LRRTM4: variants seen among roughly 807,000 people sequenced by gnomAD.
LRRTM4 encodes the protein leucine rich repeat transmembrane neuronal 4, also known as leucine-rich repeat transmembrane neuronal protein 4.
A neutral mutation model predicts 47.6 loss-of-function variants in LRRTM4; 25 were observed. That is an observed-to-expected ratio of 0.53 (90% CI 0.38 to 0.73). The LOEUF is 0.73. Among genes scored for constraint, LRRTM4 ranks in the 30% least tolerant of loss-of-function variants. The pLI, the probability that LRRTM4 is intolerant of heterozygous loss-of-function variation, is 0.00. For missense variants in LRRTM4, 638 were observed against 713.4 expected, an observed-to-expected ratio of 0.89 and a Z score of 1.20; for synonymous variants, 311 against 269.5, an observed-to-expected ratio of 1.15 and a Z score of -1.51.
At chr2:77,355,583 T>C (rs1671938116) in intron 3 of LRRTM4, among the ~76,000 whole-genome samples, 1 of 152,228 alleles carries the variant, frequency 6.6e-6, no homozygotes, top group African/African-American at 2.4e-5. Flanking sequence ...GGATTCCATT[T>C]GTTTTTCTCA....
At chr2:77,025,670 G>C (rs1166763130) in intron 3 of LRRTM4, among the ~76,000 whole-genome samples, 3 of 152,148 alleles carry the variant, frequency 2.0e-5, no homozygotes, top group Non-Finnish European at 4.4e-5. Flanking sequence ...GGTAGAAGCA[G>C]TGATGACAAA....
At chr2:77,155,967 A>C (rs549441482) in intron 3 of LRRTM4, among the ~76,000 whole-genome samples, 4 of 152,304 alleles carry the variant, frequency 2.6e-5, no homozygotes, top group African/African-American at 7.2e-5. Flanking sequence ...TCAATTTTCA[A>C]CATAGGTATG....
At chr2:77,037,216 C>T (rs1453879990) in intron 3 of LRRTM4, among the ~76,000 whole-genome samples, 1 of 151,722 alleles carries the variant, frequency 6.6e-6, no homozygotes, top group Admixed American at 6.6e-5. Context: ...AGAATATGGG[C>T]TTCACGGATC....
intron 3 of LRRTM4, among the ~76,000 whole-genome samples, chr2:77,442,767 G>T (rs370834347): frequency 1.6e-4 from 24 of 152,264 alleles, no homozygotes; most frequent in African/African-American, 5.3e-4. Context: ...GGTGTTCAAG[G>T]CTATGTAGAG....
chr2:76,899,520 A>T (rs1486384460), intron 3 of LRRTM4, among the ~76,000 whole-genome samples: 1 of 152,154 alleles, frequency 6.6e-6, no homozygotes, highest in Non-Finnish European at 1.5e-5. Context: ...AACCCTGCAG[A>T]TGCCTGGGAG....
At chr2:77,350,219 G>A (rs1314167611) in intron 3 of LRRTM4, among the ~76,000 whole-genome samples, 1 of 149,640 alleles carries the variant, frequency 6.7e-6, no homozygotes, top group Non-Finnish European at 1.5e-5. Context: ...CCAGCTACTC[G>A]GGAGGCTGAG....
At chr2:77,517,328 T>C (rs1035826460) in intron 3 of LRRTM4, 3 of 983,424 alleles carry the variant, frequency 3.1e-6, no homozygotes, top group East Asian at 1.1e-4. Flanking sequence ...AAAGGGAGGA[T>C]ACCCAGAACT....
chr2:77,234,217 T>C (rs1438132274), intron 3 of LRRTM4, among the ~76,000 whole-genome samples: 2 of 152,192 alleles, frequency 1.3e-5, no homozygotes, highest in Non-Finnish European at 2.9e-5. Flanking sequence ...ACGAGATATA[T>C]GTCCTTAATA....
chr2:77,128,423 G>T (rs909208125), intron 3 of LRRTM4, among the ~76,000 whole-genome samples: 1 of 85,986 alleles, frequency 1.2e-5, no homozygotes, highest in Non-Finnish European at 2.4e-5. Flanking sequence ...GATAGATAGA[G>T]AAATGTCCCA....
At chr2:77,032,497 G>C (rs1678696215) in intron 3 of LRRTM4, among the ~76,000 whole-genome samples, 1 of 152,028 alleles carries the variant, frequency 6.6e-6, no homozygotes, top group Non-Finnish European at 1.5e-5. Context: ...CCATCTGTTA[G>C]AGCAGAAATT....
At chr2:77,460,161 T>C (rs1676732183) in intron 3 of LRRTM4, among the ~76,000 whole-genome samples, 1 of 152,270 alleles carries the variant, frequency 6.6e-6, no homozygotes, top group East Asian at 1.9e-4. Flanking sequence ...ACACACATTT[T>C]GTATGTGTTT....
rs188842658 is a variant in LRRTM4 at position 76,772,186 on chromosome 2, C to T, written c.1552-23270G>A. ...CATTATCAAAGAAACCCGGAGAGCT[C>T]TCTGACTCTACTCTTTTCCACCAAA... is the stretch of plus-strand genomic sequence containing the variant. On this transcript the variant is annotated intron_variant, in intron 3 of 3. Transcript: ENST00000409884. Among the ~76,000 whole-genome samples the T allele has an allele frequency of 1.6e-3, 246 of 152,154 alleles. 3 individuals carry two copies. The highest frequency in any genetic ancestry group is 2.9e-4 in the Non-Finnish European group (20 of 67,966).
At chr2:76,991,831 A>G (rs1255903094) in intron 3 of LRRTM4, among the ~76,000 whole-genome samples, 1 of 151,818 alleles carries the variant, frequency 6.6e-6, no homozygotes, top group Non-Finnish European at 1.5e-5. Flanking sequence ...AAACACAACA[A>G]AAAAAGAAAA....
At chr2:76,918,021 A>C (rs1005592647) in intron 3 of LRRTM4, among the ~76,000 whole-genome samples, 1 of 152,136 alleles carries the variant, frequency 6.6e-6, no homozygotes, top group South Asian at 2.1e-4. Context: ...CCCTTCCCCT[A>C]CTGGGGCAGG....
chr2:77,108,615 G>A (rs1455764573), intron 3 of LRRTM4, among the ~76,000 whole-genome samples: 16 of 137,202 alleles, frequency 1.2e-4, no homozygotes, highest in Admixed American at 3.1e-4. Context: ...ACGGAGTCTC[G>A]CTCTGTCGCC....
chr2:76,920,041 T>G (rs76990632), intron 3 of LRRTM4, among the ~76,000 whole-genome samples: 2 of 152,100 alleles, frequency 1.3e-5, no homozygotes, highest in African/African-American at 2.4e-5. Context: ...AATAAATGTA[T>G]TGAATGTTCT....
intron 3 of LRRTM4, among the ~76,000 whole-genome samples, chr2:77,484,635 G>A (rs531279446): frequency 3.3e-5 from 5 of 152,168 alleles, no homozygotes; most frequent in African/African-American, 1.2e-4. Context: ...GCATAATTAT[G>A]GTTATATCAA....
At chr2:77,313,549 G>T (rs1376240233) in intron 3 of LRRTM4, among the ~76,000 whole-genome samples, 1 of 152,052 alleles carries the variant, frequency 6.6e-6, no homozygotes, top group Non-Finnish European at 1.5e-5. Flanking sequence ...GCTATGACGT[G>T]CCTCCCTACC....
intron 3 of LRRTM4, among the ~76,000 whole-genome samples, chr2:77,361,671 A>G (rs1450236813): frequency 6.6e-6 from 1 of 152,214 alleles, no homozygotes; most frequent in African/African-American, 2.4e-5. Context: ...AAATACAAAT[A>G]GACAAAAATG....
Sources: gnomAD v4.1 joint callset for allele counts (sites outside exome capture counted in the v4.1 genomes callset) on GRCh38, gnomAD v4.1.1 for gene constraint, MANE v1.5 for transcripts, NCBI Gene and HGNC (gene_info 2026-07-23, HGNC 2026-07-21) for gene names.